Variants in CLIP2 observed in about 807,000 individuals in gnomAD.
The protein encoded by CLIP2 is CAP-Gly domain containing linker protein 2, also known as CAP-Gly domain-containing linker protein 2.
A neutral mutation model predicts 111.7 loss-of-function variants in CLIP2; 41 were observed. The ratio of observed to expected loss-of-function variants is 0.37; its 90% confidence interval spans 0.29 to 0.48. The LOEUF (loss-of-function observed/expected upper bound fraction) is 0.48, where lower values mean the gene tolerates loss of function less well. CLIP2 is among the 20% of genes least tolerant of loss of function. The pLI is 0.99. For missense variants in CLIP2, 1,160 were observed against 1,422.1 expected (o/e 0.82, Z 2.96); for synonymous variants, 660 against 644.2 (o/e 1.02, Z -0.37).
intron 11 of CLIP2, chr7:74,381,642 CAAGT>C (rs1463380299): frequency 4.4e-6 from 2 of 456,198 alleles, no homozygotes; most frequent in Non-Finnish European, 8.8e-6. Context: ...TACGAGCAAG[CAAGT>C]GACACAAATG....
In CLIP2 at chr7:74,305,116, G is replaced by A. The variant is rs1338730044; in HGVS notation, c.-67-12364G>A. ...CAATTGCCAGGGAGGACCCTCTAGG[G>A]GACCATCCATCCCTCCACTGTACAC... is the stretch of plus-strand genomic sequence containing the variant. On this transcript the variant is annotated intron_variant, in intron 1 of 16. Transcript: ENST00000223398. Among the ~76,000 whole-genome samples, 5 of 104,142 alleles carry A rather than the reference G, an allele frequency of 4.8e-5. No homozygotes were observed. In the East Asian group the frequency reaches 1.1e-3, roughly 22 times the overall value. The allele number at this position is 104,142 out of a possible 152,430, so 68.3% of individuals were successfully genotyped here.
rs562713225 is a variant in CLIP2, at chr7:74,400,398, G to A, written c.2909G>A (p.Arg970Lys). 9 of 1,612,632 alleles carry A rather than the reference G, an allele frequency of 5.6e-6. No homozygotes were observed. The highest frequency in any genetic ancestry group is 7.6e-6 in the Non-Finnish European group (9 of 1,179,088). ...AAAGAGAAATCCCTGTCGGATCAGA[G>A]GCGCTACTCCCTCATCGACCGGTCC... ...LDKEKSLSDQ[R>K]RYSLIDRSSA... The change falls in exon 15 of 17, where the codon AGG becomes AAG. Residue 970 changes from arginine to lysine, a missense_variant. This residue lies in a region of CLIP2 where 676 missense variants were observed against 777.8 expected (regional missense o/e 0.87). Coordinates refer to ENST00000223398, the MANE Select transcript of CLIP2 (RefSeq NM_003388.5).
intron 2 of CLIP2, among the ~76,000 whole-genome samples, chr7:74,337,593 C>CTTTT (rs10695450): frequency 5.4e-4 from 79 of 147,406 alleles, no homozygotes; most frequent in Non-Finnish European, 9.3e-4. Flanking sequence ...GCCATTGCTT[C>CTTTT]TTTTTTTTTT....
chr7:74,388,267 G>A (rs782379138), intron 12 of CLIP2, among the ~76,000 whole-genome samples: 2 of 152,036 alleles, frequency 1.3e-5, no homozygotes, highest in Admixed American at 6.6e-5. Context: ...GGGAGGTAGA[G>A]GTTGCAATAA....
intron 2 of CLIP2, among the ~76,000 whole-genome samples, chr7:74,337,960 G>C (rs1250446464): frequency 6.6e-6 from 1 of 152,092 alleles, no homozygotes; most frequent in Non-Finnish European, 1.5e-5. Flanking sequence ...AGAGTAGGGG[G>C]AGACCTGAGG....
intron 3 of CLIP2, among the ~76,000 whole-genome samples, chr7:74,353,506 C>G (rs1790068956): frequency 6.6e-6 from 1 of 152,148 alleles, no homozygotes; most frequent in Admixed American, 6.6e-5. Context: ...CCACCTTGGC[C>G]TCCCAAAGTG....
chr7:74,306,725 A>T (rs1449551273), intron 1 of CLIP2, among the ~76,000 whole-genome samples: 1 of 152,188 alleles, frequency 6.6e-6, no homozygotes, highest in Non-Finnish European at 1.5e-5. Context: ...CGTCCTGTGC[A>T]CCAGGGCCTC....
At position 74,332,460 on chromosome 7, in the gene CLIP2, C is replaced by CTTT. The variant is rs386410474; in HGVS notation, c.122-5970_122-5968dup. Among the ~76,000 whole-genome samples the CTTT allele has an allele frequency of 4.9e-4, 54 of 110,328 alleles. 3 individuals are homozygous for CTTT. Among genetic ancestry groups the CTTT allele is most frequent in the Non-Finnish European group, 7.1e-4 (40 of 56,142 alleles). The allele number at this position is 110,328 out of a possible 152,430, so 72.4% of individuals were successfully genotyped here. A position where few individuals can be genotyped will look rare whatever the true frequency, so the allele number is the denominator to read the frequency against. The stretch of plus-strand genomic sequence containing the variant: ...ATGCCTCACTGCAGCCTAGAATTCT[C>CTTT]TTTTTTTTTTTTTTTTTTTTAGAGA... On this transcript the variant is annotated intron_variant, in intron 2 of 16. Transcript: ENST00000223398.
chr7:74,350,731 C>T (rs1409990691), intron 3 of CLIP2, among the ~76,000 whole-genome samples: 5 of 151,728 alleles, frequency 3.3e-5, no homozygotes, highest in African/African-American at 1.2e-4. Context: ...AGCTAGGTAT[C>T]GTGGTGTGTT....
chr7:74,308,152 A>G (rs561804071), intron 1 of CLIP2, among the ~76,000 whole-genome samples: 148 of 152,294 alleles, frequency 9.7e-4, no homozygotes, highest in Non-Finnish European at 1.8e-3. Context: ...GCTAGGTGTC[A>G]GTAGGTAATG....
intron 1 of CLIP2, among the ~76,000 whole-genome samples, chr7:74,308,583 C>A (rs1294577121): frequency 1.3e-5 from 2 of 152,084 alleles, no homozygotes; most frequent in African/African-American, 4.8e-5. Context: ...CAGCTCACTG[C>A]AACCTCCGCC....
intron 8 of CLIP2, among the ~76,000 whole-genome samples, chr7:74,365,846 C>G (rs897812276): frequency 6.6e-6 from 1 of 152,130 alleles, no homozygotes; most frequent in Non-Finnish European, 1.5e-5. Context: ...CCTCCACTTC[C>G]TGGGCTCAAG....
chr7:74,314,285 G>A (rs1554728866), intron 1 of CLIP2, among the ~76,000 whole-genome samples: 1 of 151,868 alleles, frequency 6.6e-6, no homozygotes, highest in East Asian at 1.9e-4. Flanking sequence ...AAGGTCAGGC[G>A]TTCAAGACCA....
In CLIP2 at chr7:74,338,594, G is replaced by A. The variant is rs1232315203; in HGVS notation, c.268G>A (p.Val90Met). ...VVGERVWVNGVKPGVVQYLGE... is the reference protein window; with the variant it reads ...VVGERVWVNGMKPGVVQYLGE... Reference sequence around the variant, plus strand: ...GGGCGAGCGGGTGTGGGTGAACGGCGTGAAGCCAGGCGTGGTGCAGTATCT... The same window carrying A: ...GGGCGAGCGGGTGTGGGTGAACGGCATGAAGCCAGGCGTGGTGCAGTATCT... Residue 90 changes from valine (V) to methionine (M), a missense_variant, in exon 3 of 17, where the codon GTG (valine) becomes ATG (methionine). By Grantham distance (21) the Val-to-Met change is conservative. Transcript: ENST00000223398. The surrounding 1 kb of genome is among the most constrained non-coding windows in gnomAD (Gnocchi z 4.3). The A allele has an allele frequency of 1.9e-6, 3 of 1,570,448 alleles. No individual in the cohort carries two copies. The Admixed American group carries it at 5.7e-5, about 30-fold the overall frequency.
intron 7 of CLIP2, among the ~76,000 whole-genome samples, chr7:74,362,256 T>C (rs1440337852): frequency 6.6e-6 from 1 of 152,100 alleles, no homozygotes; most frequent in Non-Finnish European, 1.5e-5. Flanking sequence ...TGGCCTGGGA[T>C]CCTCTCTACC....
chr7:74,353,794 A>G, intron 3 of CLIP2, 86 bp from the exon 4 acceptor site: 1 of 1,582,262 alleles, frequency 6.3e-7, no homozygotes, highest in Admixed American at 1.7e-5. Context: ...GAAGGGATGG[A>G]TGGGATAAGC....
Position 74,397,200 on chromosome 7 carries a change from C to T in CLIP2, c.2847C>T (p.Asp949=), listed in dbSNP as rs782546949. Residue 949 remains aspartate (D), a synonymous_variant, in exon 14 of 17, where the codon GAC becomes GAT. Coordinates refer to ENST00000223398, the MANE Select transcript of CLIP2 (RefSeq NM_003388.5). The stretch of plus-strand genomic sequence containing the variant: ...TCAAGGAGCAGAAACTCAAGGATGA[C>T]ATCCGGGGCCTGCGTGAAAAGCTGA... The part of the protein sequence containing the change: ...WRIKEQKLKD[D]IRGLREKLTG... The T allele has an allele frequency of 4.3e-6, 7 of 1,613,592 alleles. No individual in the cohort carries two copies. The highest frequency in any genetic ancestry group is 5.9e-6 in the Non-Finnish European group (7 of 1,179,924).
intron 11 of CLIP2, among the ~76,000 whole-genome samples, chr7:74,385,358 C>T (rs1584382355): frequency 1.3e-5 from 2 of 150,228 alleles, no homozygotes; most frequent in Non-Finnish European, 3.0e-5. Flanking sequence ...CTCAGCTACT[C>T]GGGAGGCTGA....
At chr7:74,326,872 G>C (rs1032785154) in intron 2 of CLIP2, among the ~76,000 whole-genome samples, 1 of 150,930 alleles carries the variant, frequency 6.6e-6, no homozygotes, top group Admixed American at 6.6e-5. Context: ...TCCTGACCTC[G>C]TGATCCGCCT....
Sources: allele counts gnomAD v4.1 joint callset (sites outside exome capture counted in the v4.1 genomes callset), GRCh38; gene constraint gnomAD v4.1.1; regional missense constraint gnomAD v4.1.1; non-coding constraint Gnocchi (gnomAD v3.1); transcripts MANE v1.5; gene names NCBI Gene and HGNC (gene_info 2026-07-23, HGNC 2026-07-21).